Variants in ZNF28 observed in about 807,000 individuals in gnomAD.
ZNF28 encodes the protein zinc finger protein KOX24.
A neutral mutation model predicts 7.2 loss-of-function variants in ZNF28; 5 were observed. That is an observed-to-expected ratio of 0.70 (90% CI 0.36 to 1.46). ZNF28 has a LOEUF of 1.46. ZNF28 is among the 40% of genes most tolerant of loss of function. ZNF28 has a pLI of 0.03. For missense variants in ZNF28, 879 were observed against 866.6 expected (o/e 1.01, Z -0.18); for synonymous variants, 288 against 292.4 (o/e 0.99, Z 0.15).
Position 52,801,581 on chromosome 19 carries a change from C to T in ZNF28, c.264G>A (p.Gln88=). 1 of 1,614,130 alleles carries T rather than the reference C, an allele frequency of 6.2e-7. No homozygotes were observed. The highest frequency in any genetic ancestry group is 8.5e-7 in the Non-Finnish European group (1 of 1,180,024). ...AGCCATGAATGTCTTTCTCAATTTTCTGGAAGCAAAAATCTCCAATGTGAT... is the reference window on the plus strand; with the variant it reads ...AGCCATGAATGTCTTTCTCAATTTTTTGGAAGCAAAAATCTCCAATGTGAT... ...ASHHIGDFCF[Q]KIEKDIHGFQ... is the part of the protein sequence containing the mutation. The change falls in exon 4 of 4, where the codon CAG becomes CAA. Residue 88 remains glutamine (Q), a synonymous_variant. Coordinates refer to ENST00000457749, the MANE Select transcript of ZNF28 (RefSeq NM_006969.5).
At chr19:52,815,530 A>T (rs1318594873) in intron 2 of ZNF28, among the ~76,000 whole-genome samples, 1 of 145,158 alleles carries the variant, frequency 6.9e-6, no homozygotes, top group Non-Finnish European at 1.5e-5. Context: ...AAAAATAAAT[A>T]AAAAAAATAA....
intron 2 of ZNF28, among the ~76,000 whole-genome samples, chr19:52,809,315 A>G (rs1405896464): frequency 6.6e-6 from 1 of 152,172 alleles, no homozygotes; most frequent in African/African-American, 2.4e-5. Flanking sequence ...TGCAAAGGAC[A>G]CATGTGTTGT....
rs1434921324 is a variant in ZNF28, at chr19:52,811,730, G to A, written c.16-3597C>T. ...CGTCTGGGAAGTGAGGAGCGTCTCC[G>A]CCCGGCAGCCGCCCCGTCCGGGAGG... is the stretch of plus-strand genomic sequence containing the variant. On this transcript the variant is annotated intron_variant, in intron 2 of 3. Coordinates refer to ENST00000457749, the MANE Select transcript of ZNF28 (RefSeq NM_006969.5). 4.8e-3 allele frequency among the ~76,000 whole-genome samples: 716 copies of A among 149,832 alleles called. 10 individuals carry two copies. The highest frequency in any genetic ancestry group is 0.017 in the African/African-American group (675 of 39,926).
At chr19:52,819,582 G>C (rs1223507133) in intron 1 of ZNF28, among the ~76,000 whole-genome samples, 3 of 76,076 alleles carry the variant, frequency 3.9e-5, no homozygotes, top group Admixed American at 1.2e-4. Flanking sequence ...TTGCAGGGGA[G>C]GCTCACTGGG....
chr19:52,813,633 C>G (rs1417904814), intron 2 of ZNF28, among the ~76,000 whole-genome samples: 1 of 139,298 alleles, frequency 7.2e-6, no homozygotes, highest in Non-Finnish European at 1.5e-5. Context: ...CCCCTCTTCT[C>G]TGGCCCCCTG....
intron 2 of ZNF28, among the ~76,000 whole-genome samples, chr19:52,813,891 A>C (rs2063088164): frequency 6.9e-6 from 1 of 145,672 alleles, no homozygotes; most frequent in Non-Finnish European, 1.5e-5. Context: ...TTTGGAGGGA[A>C]TAGGAGGAAG....
chr19:52,800,287 C>T lies in ZNF28; in HGVS notation c.1558G>A (p.Glu520Lys). The T allele has an allele frequency of 6.2e-7, 1 of 1,607,338 alleles. No homozygotes were observed. The highest frequency in any genetic ancestry group is 8.5e-7 in the Non-Finnish European group (1 of 1,175,620). ...CATTCATTACACATGTATGGTTTCT[C>T]TCCAGTATGAACTCTCTGATGTTCT... ...LTEHQRVHTG[E>K]KPYMCNECGK... The change falls in exon 4 of 4, where the codon GAG (glutamate) becomes AAG (lysine). Residue 520 changes from glutamate to lysine, a missense_variant. By Grantham distance (56) the Glu-to-Lys change is moderately conservative. Transcript: ENST00000457749.
intron 1 of ZNF28, among the ~76,000 whole-genome samples, chr19:52,819,614 C>T (rs2063170378): frequency 8.6e-6 from 1 of 115,736 alleles, no homozygotes; most frequent in Non-Finnish European, 1.8e-5. Context: ...GAAACATTTT[C>T]ACGAAGTTAC....
intron 3 of ZNF28, 69 bp from the exon 4 acceptor site, chr19:52,801,771 T>C: frequency 7.2e-7 from 1 of 1,388,888 alleles, no homozygotes; most frequent in Admixed American, 2.3e-5. Flanking sequence ...AATGTGTAAA[T>C]ATGACACAAA....
Position 52,798,597 on chromosome 19 carries a change from CA to C in ZNF28, c.*1090del, listed in dbSNP as rs1224636455. On this transcript the variant is annotated 3_prime_UTR_variant, in exon 4 of 4. Coordinates refer to ENST00000457749, the MANE Select transcript of ZNF28 (RefSeq NM_006969.5). ...AGTAAACGCTTTGCCACAATCATCA[CA>C]CTTGTGAGTTTCTCTCCTGTATGAA... 3.0e-5 allele frequency: 14 copies of C among 473,322 alleles called. No individual in the cohort carries two copies. Among genetic ancestry groups the C allele is most frequent in the African/African-American group, 2.8e-4 (14 of 49,204 alleles). 29.3% of individuals were successfully genotyped at this position (473,322 alleles called of 1,614,324 possible).
intron 1 of ZNF28, among the ~76,000 whole-genome samples, chr19:52,818,999 G>T (rs1226790643): frequency 1.4e-5 from 2 of 142,400 alleles, no homozygotes; most frequent in Non-Finnish European, 3.0e-5. Flanking sequence ...GGGTGGGAGG[G>T]CATGGGAGAC....
chr19:52,802,598 A>C (rs919630212), intron 3 of ZNF28, among the ~76,000 whole-genome samples: 3 of 151,876 alleles, frequency 2.0e-5, no homozygotes, highest in Non-Finnish European at 2.9e-5. Context: ...AATCGCTTGA[A>C]CTTGGGAGGC....
chr19:52,800,195 C>T lies in ZNF28; in HGVS notation c.1650G>A (p.Pro550=), dbSNP rs1158376987. The change falls in exon 4 of 4, where the codon CCG becomes CCA. Residue 550 remains proline (P), a synonymous_variant. Coordinates refer to ENST00000457749, the MANE Select transcript of ZNF28 (RefSeq NM_006969.5). ...CHHKLHTAEK[P]YKCEECEKVF... is the part of the protein sequence containing the mutation. ...CTTTCTCACATTCTTCACATTTGTACGGTTTCTCTGCAGTATGAAGTTTAT... is the reference window on the plus strand; with the variant it reads ...CTTTCTCACATTCTTCACATTTGTATGGTTTCTCTGCAGTATGAAGTTTAT... 13 of 1,606,460 alleles carry T rather than the reference C, an allele frequency of 8.1e-6. No homozygotes were observed. Among genetic ancestry groups the T allele is most frequent in the African/African-American group, 4.1e-5 (3 of 72,466 alleles).
intron 2 of ZNF28, among the ~76,000 whole-genome samples, chr19:52,817,588 T>C (rs1487946548): frequency 1.3e-5 from 2 of 152,106 alleles, no homozygotes; most frequent in African/African-American, 2.4e-5. Context: ...TTGACTCCCA[T>C]TGGCAGCTGC....
chr19:52,811,491 G>A lies in ZNF28; in HGVS notation c.16-3358C>T, dbSNP rs879279006. ...CCATCCCATCTAGGAAGTGAGGAGC[G>A]TCTCTGCCCGGCCGCCCATCGTCTG... On this transcript the variant is annotated intron_variant, in intron 2 of 3. Coordinates refer to ENST00000457749, the MANE Select transcript of ZNF28 (RefSeq NM_006969.5). Among the ~76,000 whole-genome samples, 139 of 148,774 alleles carry A rather than the reference G, an allele frequency of 9.3e-4. 2 individuals carry two copies. The highest frequency in any genetic ancestry group is 1.1e-3 in the Admixed American group (17 of 15,044).
intron 2 of ZNF28, among the ~76,000 whole-genome samples, chr19:52,813,388 C>T (rs1028544952): frequency 5.9e-5 from 9 of 151,834 alleles, no homozygotes; most frequent in East Asian, 1.9e-4. Context: ...TCTGGGGATT[C>T]GCCATGGACA....
At chr19:52,807,772 G>A in intron 3 of ZNF28, 1 of 719,704 alleles carries the variant, frequency 1.4e-6, no homozygotes, top group Admixed American at 3.3e-5. Flanking sequence ...ACCACGACCA[G>A]GCTGCCATAA....
chr19:52,817,782 G>T (rs1474053674), intron 2 of ZNF28, among the ~76,000 whole-genome samples, 162 bp downstream of exon 2: 1 of 152,102 alleles, frequency 6.6e-6, no homozygotes, highest in African/African-American at 2.4e-5. Flanking sequence ...GGTCACCAGA[G>T]ATGGAATCTA....
chr19:52,810,615 C>T, intron 2 of ZNF28: 2 of 1,474,314 alleles, frequency 1.4e-6, no homozygotes, highest in Non-Finnish European at 1.9e-6. Flanking sequence ...ACAGCAGTTC[C>T]TGCTCTCCAT....
Sources: gnomAD v4.1 joint callset for allele counts (sites outside exome capture counted in the v4.1 genomes callset) on GRCh38, gnomAD v4.1.1 for gene constraint, MANE v1.5 for transcripts, NCBI Gene and HGNC (gene_info 2026-07-23, HGNC 2026-07-21) for gene names.